Variants in ADCK1 observed in about 807,000 individuals in gnomAD.
The protein encoded by ADCK1 is aarF domain containing kinase 1.
A neutral mutation model predicts 52.3 loss-of-function variants in ADCK1; 41 were observed. That is an observed-to-expected ratio of 0.78 (90% confidence interval 0.61 to 1.02). The LOEUF is 1.02. ADCK1 is among the 50% of genes least tolerant of loss of function. The pLI, the probability that ADCK1 is intolerant of heterozygous loss-of-function variation, is 0.00. For synonymous variants in ADCK1, 250 were observed against 274.6 expected, an observed-to-expected ratio of 0.91 and a Z score of 0.89; for missense variants, 658 against 679.5, an observed-to-expected ratio of 0.97 and a Z score of 0.35.
intron 5 of ADCK1, among the ~76,000 whole-genome samples, chr14:77,898,511 C>T (rs1407245858): frequency 6.6e-6 from 1 of 152,058 alleles, no homozygotes; most frequent in East Asian, 1.9e-4. Flanking sequence ...AAGCTGGGAG[C>T]CATTATCCTC....
intron 4 of ADCK1, among the ~76,000 whole-genome samples, chr14:77,866,461 C>T (rs115052226): frequency 0.02 from 2,970 of 152,258 alleles, 41 homozygotes; most frequent in Middle Eastern, 0.031. Context: ...TCCCAGGCAG[C>T]CTGGGTTTCT....
chr14:77,890,822 G>A (rs1033535874), intron 5 of ADCK1, among the ~76,000 whole-genome samples: 3 of 152,194 alleles, frequency 2.0e-5, no homozygotes, highest in African/African-American at 7.2e-5. Context: ...GGAAGGTTTG[G>A]GAGAGTTAGG....
chr14:77,812,217 C>A (rs1314735875), intron 1 of ADCK1, among the ~76,000 whole-genome samples: 1 of 152,132 alleles, frequency 6.6e-6, no homozygotes, highest in Non-Finnish European at 1.5e-5. Context: ...CCATGTTGTA[C>A]ATTAGAGTCC....
chr14:77,805,228 A>AAG (rs1245380746), intron 1 of ADCK1, among the ~76,000 whole-genome samples: 2 of 148,974 alleles, frequency 1.3e-5, no homozygotes, highest in Admixed American at 6.7e-5. Context: ...AAAAAAAAAA[A>AAG]AGAGTCATTT....
Position 77,924,605 on chromosome 14 carries a change from A to C in ADCK1, c.1007A>C (p.Gln336Pro), listed in dbSNP as rs1566739713. The change falls in exon 8 of 11, where the codon CAG becomes CCG. Residue 336 changes from glutamine to proline, a missense_variant and splice_region_variant. By Grantham distance (76) the Gln-to-Pro change is moderately conservative. Coordinates refer to ENST00000238561, the MANE Select transcript of ADCK1 (RefSeq NM_020421.4). ...GTCCTGTTGGACCATGGGCTTTACCAGGTAGAAGAGGCCTTTGTTACCCAG... is the reference window on the plus strand; with the variant it reads ...GTCCTGTTGGACCATGGGCTTTACCCGGTAGAAGAGGCCTTTGTTACCCAG... ...EIVLLDHGLY[Q>P]MLTEEFRLNY... The C allele has an allele frequency of 6.2e-7, 1 of 1,612,614 alleles. No homozygotes were observed. The highest frequency in any genetic ancestry group is 1.7e-5 in the Admixed American group (1 of 60,032).
At chr14:77,928,766 T>C (rs1051140045) in intron 9 of ADCK1, among the ~76,000 whole-genome samples, 6 of 152,186 alleles carry the variant, frequency 3.9e-5, no homozygotes, top group African/African-American at 1.4e-4. Flanking sequence ...AGCCTGTTTT[T>C]GCATTCTTAT....
chr14:77,811,545 G>A (rs1337320916), intron 1 of ADCK1, among the ~76,000 whole-genome samples: 1 of 152,158 alleles, frequency 6.6e-6, no homozygotes, highest in Non-Finnish European at 1.5e-5. Context: ...GTGGCTCAAC[G>A]CCTGTAATCC....
At chr14:77,866,280 AT>A (rs747433844) in intron 4 of ADCK1, among the ~76,000 whole-genome samples, 5 of 152,250 alleles carry the variant, frequency 3.3e-5, no homozygotes, top group African/African-American at 4.8e-5. Flanking sequence ...TATTATTAAT[AT>A]AATGGATCGC....
intron 3 of ADCK1, among the ~76,000 whole-genome samples, chr14:77,847,891 C>G (rs1427759948): frequency 2.6e-5 from 4 of 152,164 alleles, no homozygotes; most frequent in Non-Finnish European, 5.9e-5. Flanking sequence ...CTTACTGGAA[C>G]AGTTCCCGGG....
At chr14:77,879,344 C>T (rs1182510453) in intron 4 of ADCK1, among the ~76,000 whole-genome samples, 2 of 152,124 alleles carry the variant, frequency 1.3e-5, no homozygotes, top group African/African-American at 4.8e-5. Context: ...GCAGCTGTGG[C>T]GATTGCTCTC....
intron 3 of ADCK1, among the ~76,000 whole-genome samples, chr14:77,838,637 A>G (rs1213450618): frequency 6.6e-6 from 1 of 152,152 alleles, no homozygotes; most frequent in Admixed American, 6.5e-5. Context: ...GGCTCAAGCT[A>G]TCCACCTGCC....
In ADCK1 at chr14:77,874,003, G is replaced by A. The variant is rs367670382; in HGVS notation, c.424-13088G>A. Among the ~76,000 whole-genome samples, 24 of 152,350 alleles carry A rather than the reference G, an allele frequency of 1.6e-4. No homozygotes were observed. The East Asian group carries it at 2.5e-3, about 16-fold the overall frequency. ...GTACTCTAACACTCTGCTTTTACAA[G>A]TGAGGAACTAATACCCAAGGTGAGG... On this transcript the variant is annotated intron_variant, in intron 4 of 10. Coordinates refer to ENST00000238561, the MANE Select transcript of ADCK1 (RefSeq NM_020421.4).
At chr14:77,874,968 C>T (rs2082866342) in intron 4 of ADCK1, among the ~76,000 whole-genome samples, 1 of 152,012 alleles carries the variant, frequency 6.6e-6, no homozygotes, top group Non-Finnish European at 1.5e-5. Flanking sequence ...GGGAAAGAGC[C>T]TGGGTCTGTC....
intron 1 of ADCK1, among the ~76,000 whole-genome samples, chr14:77,808,643 T>TTG: frequency 6.6e-6 from 1 of 152,208 alleles, no homozygotes; most frequent in Non-Finnish European, 1.5e-5. Context: ...TGGCGTGATC[T>TTG]CAGCTCACTG....
At chr14:77,814,345 C>T (rs1032634431) in intron 1 of ADCK1, among the ~76,000 whole-genome samples, 1 of 151,418 alleles carries the variant, frequency 6.6e-6, no homozygotes, top group Non-Finnish European at 1.5e-5. Context: ...TCCCAAAGTG[C>T]TGGGATTACA....
At chr14:77,929,332 T>C (rs2084269515) in intron 9 of ADCK1, among the ~76,000 whole-genome samples, 2 of 152,266 alleles carry the variant, frequency 1.3e-5, no homozygotes, top group South Asian at 4.1e-4. Flanking sequence ...GGCTAACTTG[T>C]GATTCTCTGG....
At chr14:77,872,975 C>T (rs1195736019) in intron 4 of ADCK1, among the ~76,000 whole-genome samples, 3 of 152,162 alleles carry the variant, frequency 2.0e-5, no homozygotes, top group Non-Finnish European at 2.9e-5. Flanking sequence ...TGTGCCCGGC[C>T]TCCCCACTGC....
chr14:77,822,247 GCA>G (rs1183276976), intron 2 of ADCK1, among the ~76,000 whole-genome samples, 186 bp from the exon 3 acceptor site: 3 of 152,202 alleles, frequency 2.0e-5, no homozygotes, highest in East Asian at 1.9e-4. Context: ...GGTGGCATTT[GCA>G]CAGAGTCCTG....
chr14:77,855,466 G>A (rs1044024768), intron 3 of ADCK1, among the ~76,000 whole-genome samples: 1 of 152,210 alleles, frequency 6.6e-6, no homozygotes, highest in African/African-American at 2.4e-5. Context: ...CTGAAGTCCT[G>A]TGTTCTTAAC....
Sources: allele counts gnomAD v4.1 joint callset (sites outside exome capture counted in the v4.1 genomes callset), GRCh38; gene constraint gnomAD v4.1.1; transcripts MANE v1.5; gene names NCBI Gene and HGNC (gene_info 2026-07-23, HGNC 2026-07-21).